Variants in ERI3 observed in about 807,000 individuals in gnomAD.
ERI3 encodes ERI1 exoribonuclease family member 3.
A neutral mutation model predicts 44.4 loss-of-function variants in ERI3; 18 were observed. The observed-to-expected ratio is 0.41, with a 90% CI of 0.28 to 0.60. The LOEUF is 0.60. Ranked by LOEUF, ERI3 falls within the 20% of genes least tolerant of loss-of-function variation. ERI3 has a pLI of 0.36. For synonymous variants in ERI3, 183 were observed against 164.8 expected (o/e 1.11, Z -0.84); for missense variants, 294 against 435.5 (o/e 0.68, Z 2.89).
chr1:44,295,125 A>G (rs955701450), intron 6 of ERI3, among the ~76,000 whole-genome samples: 1 of 152,144 alleles, frequency 6.6e-6, no homozygotes, highest in African/African-American at 2.4e-5. Flanking sequence ...AGTGATTTTT[A>G]AAGTGTGCTC....
chr1:44,281,115 C>T (rs930238106), intron 7 of ERI3, among the ~76,000 whole-genome samples: 25 of 152,210 alleles, frequency 1.6e-4, no homozygotes, highest in African/African-American at 4.6e-4. Flanking sequence ...TCAGCTTAGA[C>T]ATCCTTCCTC....
chr1:44,234,001 C>G (rs547813504), intron 8 of ERI3, among the ~76,000 whole-genome samples: 1 of 152,296 alleles, frequency 6.6e-6, no homozygotes, highest in Non-Finnish European at 1.5e-5. Flanking sequence ...TTGAAGCTCT[C>G]TTCCCTAGGC....
At chr1:44,319,788 A>G (rs1407628756) in intron 3 of ERI3, 44 bp from the exon 4 acceptor site, 28 of 1,400,372 alleles carry the variant, frequency 2.0e-5, no homozygotes, top group Non-Finnish European at 2.4e-5. Flanking sequence ...AGTTATTGTA[A>G]TCAACCATTT....
intron 2 of ERI3, among the ~76,000 whole-genome samples, chr1:44,351,158 C>T (rs1646882372): frequency 6.6e-6 from 1 of 152,066 alleles, no homozygotes; most frequent in Non-Finnish European, 1.5e-5. Context: ...CTCAGCCTCC[C>T]AAGTAGCTGG....
chr1:44,321,112 T>C (rs1479717633), intron 3 of ERI3, among the ~76,000 whole-genome samples: 1 of 152,206 alleles, frequency 6.6e-6, no homozygotes, highest in African/African-American at 2.4e-5. Context: ...TCAATCTCCT[T>C]GATGTCCCAG....
At chr1:44,331,444 C>T (rs185352543) in intron 3 of ERI3, among the ~76,000 whole-genome samples, 1 of 152,200 alleles carries the variant, frequency 6.6e-6, no homozygotes, top group East Asian at 1.9e-4. Flanking sequence ...AGAGCCTTAG[C>T]CTTCTTGACA....
At chr1:44,286,298 G>A (rs949795952) in intron 6 of ERI3, among the ~76,000 whole-genome samples, 2 of 152,174 alleles carry the variant, frequency 1.3e-5, no homozygotes, top group African/African-American at 4.8e-5. Flanking sequence ...GCATGAGTTT[G>A]GGAATGCAGT....
intron 1 of ERI3, chr1:44,354,309 C>T (rs757348484): frequency 9.1e-6 from 9 of 985,400 alleles, no homozygotes; most frequent in Non-Finnish European, 1.1e-5. Context: ...TTGCAAAATC[C>T]AGCTCTAAGG....
At chr1:44,346,829 T>G (rs1244123185) in intron 2 of ERI3, among the ~76,000 whole-genome samples, 3 of 152,206 alleles carry the variant, frequency 2.0e-5, no homozygotes, top group Non-Finnish European at 4.4e-5. Context: ...TACCTATGTC[T>G]TTGGGATTCA....
intron 7 of ERI3, among the ~76,000 whole-genome samples, chr1:44,264,144 C>T (rs549840821): frequency 2.0e-5 from 3 of 152,318 alleles, no homozygotes; most frequent in Non-Finnish European, 2.9e-5. Context: ...ATTTACTCTT[C>T]GGTGCGACTG....
intron 1 of ERI3, chr1:44,354,477 A>G: frequency 1.0e-6 from 1 of 985,406 alleles, no homozygotes; most frequent in South Asian, 4.7e-5. Context: ...AGACAGGCAA[A>G]CAGAAAGCTA....
At chr1:44,247,465 A>G (rs529112996) in intron 8 of ERI3, among the ~76,000 whole-genome samples, 61 of 152,310 alleles carry the variant, frequency 4.0e-4, no homozygotes, top group Non-Finnish European at 7.1e-4. Flanking sequence ...CTGTGGACGG[A>G]GTCATCGGTC....
intron 7 of ERI3, among the ~76,000 whole-genome samples, chr1:44,266,885 T>TA: frequency 6.6e-6 from 1 of 152,224 alleles, no homozygotes; most frequent in East Asian, 1.9e-4. Flanking sequence ...CAATCTGTAT[T>TA]AATTCCCTTC....
At chr1:44,354,728 C>T (rs897340428) in intron 1 of ERI3, 164 bp downstream of exon 1, 2 of 985,296 alleles carry the variant, frequency 2.0e-6, no homozygotes, top group African/African-American at 3.5e-5. Flanking sequence ...CAAAGCTCTG[C>T]CCCGCTCCCC....
chr1:44,309,478 G>A (rs760160083), intron 5 of ERI3, among the ~76,000 whole-genome samples: 1 of 151,904 alleles, frequency 6.6e-6, no homozygotes, highest in Non-Finnish European at 1.5e-5. Context: ...CTGGGTGACA[G>A]AGCGAGACTC....
chr1:44,282,522 T>C (rs1645310242), intron 7 of ERI3, among the ~76,000 whole-genome samples: 1 of 152,208 alleles, frequency 6.6e-6, no homozygotes, highest in Admixed American at 6.5e-5. Flanking sequence ...CATTACTCTT[T>C]TTAAGCAGGA....
At chr1:44,248,942 C>T (rs531722832) in intron 7 of ERI3, among the ~76,000 whole-genome samples, 5 of 152,066 alleles carry the variant, frequency 3.3e-5, no homozygotes, top group African/African-American at 7.2e-5. Context: ...GGGGGACACA[C>T]GGCAGCTCAG....
chr1:44,348,929 G>A (rs148088076), intron 2 of ERI3, among the ~76,000 whole-genome samples: 110 of 152,292 alleles, frequency 7.2e-4, no homozygotes, highest in African/African-American at 2.4e-3. Flanking sequence ...CTGACCACCT[G>A]ACCCACTTCC....
intron 7 of ERI3, among the ~76,000 whole-genome samples, chr1:44,274,780 A>C (rs1572166512): frequency 6.6e-6 from 1 of 152,172 alleles, no homozygotes; most frequent in East Asian, 1.9e-4. Context: ...TTCCAGCATC[A>C]AACCCAGCAG....
Sources: gnomAD v4.1 joint callset for allele counts (sites outside exome capture counted in the v4.1 genomes callset) on GRCh38, gnomAD v4.1.1 for gene constraint, MANE v1.5 for transcripts, NCBI Gene and HGNC (gene_info 2026-07-23, HGNC 2026-07-21) for gene names.